Variants in CLEC16A observed in about 807,000 individuals in gnomAD.
CLEC16A encodes the protein protein CLEC16A.
A neutral mutation model predicts 109.5 loss-of-function variants in CLEC16A; 51 were observed. That is an observed-to-expected ratio of 0.47 (90% confidence interval 0.37 to 0.59). The LOEUF is 0.59. CLEC16A is among the 20% of genes least tolerant of loss of function. CLEC16A has a pLI of 0.00. For synonymous variants in CLEC16A, 673 were observed against 564.2 expected, an observed-to-expected ratio of 1.19 and a Z score of -2.73; for missense variants, 1,339 against 1,394.0, an observed-to-expected ratio of 0.96 and a Z score of 0.63.
intron 18 of CLEC16A, among the ~76,000 whole-genome samples, chr16:11,052,539 T>A (rs75058884): frequency 6.6e-5 from 10 of 152,110 alleles, no homozygotes; most frequent in Middle Eastern, 3.4e-3. Flanking sequence ...GTGTCTTGAG[T>A]CAATCCACAT....
intron 10 of CLEC16A, among the ~76,000 whole-genome samples, chr16:11,001,288 G>A (rs541905806): frequency 8.3e-4 from 126 of 152,330 alleles, no homozygotes; most frequent in Non-Finnish European, 1.6e-3. Flanking sequence ...GTTTTGCCAT[G>A]TTGCCCAGGC....
At chr16:11,170,196 C>T (rs186788463) in intron 23 of CLEC16A, among the ~76,000 whole-genome samples, 94 of 152,312 alleles carry the variant, frequency 6.2e-4, no homozygotes, top group African/African-American at 2.2e-3. Context: ...CTCCTTCCAA[C>T]GTGCGTGGCT....
rs1321398267 is a variant in CLEC16A at position 11,178,558 on chromosome 16, C to T, written c.3030C>T (p.Val1010=). 3.7e-6 allele frequency: 6 copies of T among 1,612,264 alleles called. No individual in the cohort carries two copies. Among genetic ancestry groups the T allele is most frequent in the Non-Finnish European group, 4.2e-6 (5 of 1,179,784 alleles). ...DTLSVESLTL[V]PPVDPHSLRS... is the part of the protein sequence containing the mutation. ...TGAGCGTCGAATCGCTGACCCTTGT[C>T]CCCCCAGTTGACCCCCACAGCCTCC... Residue 1010 remains valine (V), a synonymous_variant, in exon 24 of 24, where the codon GTC becomes GTT. Coordinates refer to ENST00000409790, the MANE Select transcript of CLEC16A (RefSeq NM_015226.3). The surrounding 1 kb of genome is among the most constrained non-coding windows in gnomAD (Gnocchi z 6.5).
intron 19 of CLEC16A, among the ~76,000 whole-genome samples, chr16:11,100,023 C>T (rs3893661): frequency 1.3e-5 from 2 of 151,922 alleles, no homozygotes; most frequent in South Asian, 4.1e-4. Context: ...CCCCTGCCAA[C>T]TGTCTGACCA....
chr16:11,041,082 A>G (rs1252277579), intron 14 of CLEC16A: 2 of 152,234 alleles, frequency 1.3e-5, no homozygotes, highest in African/African-American at 4.8e-5. Flanking sequence ...TCAGTCAGTC[A>G]GTTACAGATG....
At chr16:11,137,304 C>T (rs146187923) in intron 22 of CLEC16A, among the ~76,000 whole-genome samples, 18 of 151,892 alleles carry the variant, frequency 1.2e-4, no homozygotes, top group East Asian at 1.2e-3. Flanking sequence ...AACCGAGAAA[C>T]GAAAAATTCC....
intron 11 of CLEC16A, among the ~76,000 whole-genome samples, chr16:11,012,422 T>C (rs948992070): frequency 5.3e-5 from 8 of 151,832 alleles, no homozygotes; most frequent in Admixed American, 3.9e-4. Flanking sequence ...GGTGAAACCC[T>C]GTCTCTACTA....
chr16:11,030,312 T>A (rs2046666318), intron 13 of CLEC16A, among the ~76,000 whole-genome samples: 1 of 152,204 alleles, frequency 6.6e-6, no homozygotes, highest in Admixed American at 6.5e-5. Flanking sequence ...ATGGGAGATA[T>A]GTGTATGTTT....
chr16:11,120,983 C>G (rs1406580539), intron 20 of CLEC16A, among the ~76,000 whole-genome samples: 1 of 152,206 alleles, frequency 6.6e-6, no homozygotes, highest in African/African-American at 2.4e-5. Context: ...ACGCTCGATT[C>G]TTACACCTCC....
chr16:11,167,631 C>A (rs920145371), intron 23 of CLEC16A, among the ~76,000 whole-genome samples: 1 of 152,194 alleles, frequency 6.6e-6, no homozygotes, highest in Non-Finnish European at 1.5e-5. Flanking sequence ...GCACCCCAAC[C>A]CACCTGTGTC....
intron 22 of CLEC16A, among the ~76,000 whole-genome samples, chr16:11,142,760 G>A (rs1011471886): frequency 6.6e-6 from 1 of 152,238 alleles, no homozygotes; most frequent in East Asian, 1.9e-4. Flanking sequence ...ACAGAGGTAG[G>A]CTTCTGAGGA....
intron 10 of CLEC16A, among the ~76,000 whole-genome samples, chr16:10,985,006 C>G (rs1287234811): frequency 6.6e-6 from 1 of 152,012 alleles, no homozygotes; most frequent in Non-Finnish European, 1.5e-5. Flanking sequence ...TCGAGACCAT[C>G]CTGGCTAACA....
chr16:11,092,315 G>A (rs1360778498), intron 19 of CLEC16A, among the ~76,000 whole-genome samples: 10 of 151,758 alleles, frequency 6.6e-5, no homozygotes, highest in Non-Finnish European at 1.5e-4. Context: ...CTGCACTCCA[G>A]TCTGGGCGAT....
chr16:10,980,941 C>T (rs950893733), intron 9 of CLEC16A, among the ~76,000 whole-genome samples: 3 of 152,176 alleles, frequency 2.0e-5, no homozygotes, highest in African/African-American at 4.8e-5. Flanking sequence ...TTATGGATGA[C>T]GTTAATTTGG....
chr16:11,064,804 G>C (rs910504165), intron 19 of CLEC16A, among the ~76,000 whole-genome samples: 1 of 152,004 alleles, frequency 6.6e-6, no homozygotes, highest in Non-Finnish European at 1.5e-5. Flanking sequence ...ACCAAAACAG[G>C]GTTCTAAAAG....
At chr16:10,960,592 C>CT (rs2042207485) in intron 2 of CLEC16A, among the ~76,000 whole-genome samples, 1 of 152,190 alleles carries the variant, frequency 6.6e-6, no homozygotes, top group African/African-American at 2.4e-5. Flanking sequence ...CTGTCTTCTC[C>CT]TTTCCCCACA....
At chr16:11,135,452 A>G (rs2053502243) in intron 22 of CLEC16A, among the ~76,000 whole-genome samples, 1 of 152,250 alleles carries the variant, frequency 6.6e-6, no homozygotes. Flanking sequence ...TCTCTCGCTA[A>G]ATATGGACAC....
chr16:11,141,946 G>A (rs1368216661), intron 22 of CLEC16A, among the ~76,000 whole-genome samples: 1 of 152,234 alleles, frequency 6.6e-6, no homozygotes, highest in Non-Finnish European at 1.5e-5. Context: ...GGAAGCAGTA[G>A]TGTGCTTTGC....
At chr16:10,951,152 G>C (rs578044320) in intron 1 of CLEC16A, among the ~76,000 whole-genome samples, 2 of 152,292 alleles carry the variant, frequency 1.3e-5, no homozygotes, top group Admixed American at 1.3e-4. Context: ...GATGCACCTC[G>C]AGTGTGTTGG....
Sources: allele counts gnomAD v4.1 joint callset (sites outside exome capture counted in the v4.1 genomes callset), GRCh38; gene constraint gnomAD v4.1.1; non-coding constraint Gnocchi (gnomAD v3.1); transcripts MANE v1.5; gene names NCBI Gene and HGNC (gene_info 2026-07-23, HGNC 2026-07-21).